The following IFT27 variants were observed in gnomAD, a reference collection of about 807,000 sequenced individuals.
IFT27 encodes the protein intraflagellar transport 27.
In IFT27, 19 loss-of-function variants were observed where a neutral mutation model predicts 23.9. The observed-to-expected ratio is 0.79, with a 90% CI of 0.55 to 1.16. IFT27 has a LOEUF of 1.16. Ranked by LOEUF, IFT27 falls within the 50% of genes most tolerant of loss-of-function variation. The pLI, the probability that IFT27 is intolerant of heterozygous loss-of-function variation, is 0.00. For missense variants in IFT27, 206 were observed against 228.7 expected (o/e 0.90, Z 0.64); for synonymous variants, 91 against 89.1 (o/e 1.02, Z -0.12).
chr22:36,760,783 T>C (rs1938069640), intron 6 of IFT27: 1 of 166,612 alleles, frequency 6.0e-6, no homozygotes, highest in Non-Finnish European at 1.5e-5. Flanking sequence ...AAATAATGTG[T>C]GCAAAACACC....
At chr22:36,765,343 A>G (rs1938216941) in intron 4 of IFT27, among the ~76,000 whole-genome samples, 1 of 152,022 alleles carries the variant, frequency 6.6e-6, no homozygotes, top group Admixed American at 6.6e-5. Flanking sequence ...CATGGCCTGG[A>G]TTTGCCCTAA....
chr22:36,766,967 T>G (rs1601497834), intron 3 of IFT27: 1 of 176,150 alleles, frequency 5.7e-6, no homozygotes, highest in Non-Finnish European at 1.2e-5. Context: ...AGGAATCTGG[T>G]GAAAGCTACA....
intron 5 of IFT27, 177 bp from the exon 6 acceptor site, chr22:36,763,190 C>A (rs891438752): frequency 1.1e-5 from 5 of 453,542 alleles, no homozygotes; most frequent in Non-Finnish European, 2.0e-5. Flanking sequence ...GCCCCAAGGG[C>A]CACAGAGAGA....
chr22:36,768,150 G>A (rs769217815), intron 1 of IFT27: 24 of 541,662 alleles, frequency 4.4e-5, no homozygotes, highest in Non-Finnish European at 6.9e-5. Flanking sequence ...CCCTGGAAAC[G>A]GAACTGACGC....
At chr22:36,766,912 A>G (rs929602264) in intron 3 of IFT27, among the ~76,000 whole-genome samples, 19 of 144,126 alleles carry the variant, frequency 1.3e-4, no homozygotes, top group African/African-American at 4.6e-4. Context: ...CTTTCTCTTC[A>G]TCAGAAGTAC....
chr22:36,766,928 CT>C (rs11428853), intron 3 of IFT27: 176 of 149,466 alleles, frequency 1.2e-3, no homozygotes, highest in African/African-American at 2.7e-3. Flanking sequence ...AGTACTTATA[CT>C]TTTTTTTTTT....
At chr22:36,771,040 G>A (rs1431423941) in intron 1 of IFT27, among the ~76,000 whole-genome samples, 1 of 151,450 alleles carries the variant, frequency 6.6e-6, no homozygotes, top group Non-Finnish European at 1.5e-5. Flanking sequence ...ACTGCTTCCT[G>A]TCTTGGGGTG....
Position 36,775,829 on chromosome 22 carries a change from T to C in IFT27, c.-122A>G. On this transcript the variant is annotated 5_prime_UTR_variant, in exon 1 of 7. Coordinates refer to ENST00000433985, the MANE Select transcript of IFT27 (RefSeq NM_001177701.3). ...GAAGGTGGGGAGGGGAGGGCTGATC[T>C]CAAGGGTCAGTGGCCGCGACGGGAC... The C allele has an allele frequency of 2.4e-6, 2 of 845,576 alleles. No individual in the cohort carries two copies. The highest frequency in any genetic ancestry group is 4.0e-5 in the Admixed American group (2 of 49,934). The allele number at this position is 845,576 out of a possible 1,614,324, so 52.4% of individuals were successfully genotyped here.
rs142610589 is a variant in IFT27, at chr22:36,766,847, C to T, written c.174+459G>A. ...CTGGCCTCTGATCCCTGGCATACACCGTCTAAACATCAGCACCATTGTCTG... is the reference window on the plus strand; with the variant it reads ...CTGGCCTCTGATCCCTGGCATACACTGTCTAAACATCAGCACCATTGTCTG... On this transcript the variant is annotated intron_variant, in intron 3 of 6. Coordinates refer to ENST00000433985, the MANE Select transcript of IFT27 (RefSeq NM_001177701.3). Among the ~76,000 whole-genome samples the T allele has an allele frequency of 1.3e-3, 201 of 152,244 alleles. 2 individuals are homozygous for T. In the Middle Eastern group the frequency reaches 0.038, roughly 29 times the overall value.
chr22:36,768,042 C>G (rs1431088893), intron 1 of IFT27, 180 bp from the exon 2 acceptor site: 3 of 703,202 alleles, frequency 4.3e-6, no homozygotes, highest in Non-Finnish European at 8.0e-6. Flanking sequence ...GACTGATCTG[C>G]AAACCTCACA....
intron 5 of IFT27, 41 bp from the exon 6 acceptor site, chr22:36,763,054 A>G: frequency 7.0e-7 from 1 of 1,431,880 alleles, no homozygotes; most frequent in Non-Finnish European, 9.7e-7. Context: ...CTTCACTGTC[A>G]CACTCTGGAA....
chr22:36,767,837 G>A lies in IFT27; in HGVS notation c.60C>T (p.Ala20=). 1 of 1,614,184 alleles carries A rather than the reference G, an allele frequency of 6.2e-7. No homozygotes were observed. Among genetic ancestry groups the A allele is most frequent in the Non-Finnish European group, 8.5e-7 (1 of 1,180,012 alleles). The stretch of plus-strand genomic sequence containing the variant: ...CATCACTGCGGAAGATCTGTGCCAG[G>A]GCGGTCTTGCCCACTGCTGGGTCTC... ...LAGDPAVGKT[A]LAQIFRSDGA... The change falls in exon 2 of 7, where the codon GCC becomes GCT. Residue 20 remains alanine (A), a synonymous_variant. Coordinates refer to ENST00000433985, the MANE Select transcript of IFT27 (RefSeq NM_001177701.3).
chr22:36,767,081 C>A, intron 3 of IFT27: 1 of 419,702 alleles, frequency 2.4e-6, no homozygotes, highest in Non-Finnish European at 4.4e-6. Context: ...TAGTAGAGAA[C>A]AAGTTCCTCA....
chr22:36,764,683 A>G (rs1938198174), intron 4 of IFT27, among the ~76,000 whole-genome samples: 1 of 152,232 alleles, frequency 6.6e-6, no homozygotes. Context: ...CCATCTCTGC[A>G]TCAGCCTAAT....
At position 36,762,904 on chromosome 22, in the gene IFT27, C is replaced by A; in HGVS notation, c.462G>T (p.Val154=). 1 of 1,563,110 alleles carries A rather than the reference C, an allele frequency of 6.4e-7. No homozygotes were observed. Among genetic ancestry groups the A allele is most frequent in the South Asian group, 1.2e-5 (1 of 84,074 alleles). Residue 154 remains valine (V), a splice_region_variant and synonymous_variant, in exon 6 of 7, where the codon GTG becomes GTT. Coordinates refer to ENST00000433985, the MANE Select transcript of IFT27 (RefSeq NM_001177701.3). ...CGACGAGGCAAGTGGAAATACTCAC[C>A]ACGGATGTTTCAAAACATTCCAGGC... ...GQGLECFETS[V]KEMENFEAPF...
At chr22:36,767,936 T>G (rs1327098832) in intron 1 of IFT27, 74 bp from the exon 2 acceptor site, 1 of 1,358,978 alleles carries the variant, frequency 7.4e-7, no homozygotes, top group Non-Finnish European at 1.1e-6. Flanking sequence ...TGCAGAACAT[T>G]AGTCTAGAAA....
At chr22:36,763,464 C>T in intron 5 of IFT27, 1 of 264,490 alleles carries the variant, frequency 3.8e-6, no homozygotes, top group Non-Finnish European at 7.3e-6. Flanking sequence ...AATTTTTGAG[C>T]CTGTCTCTGG....
chr22:36,768,182 A>G, intron 1 of IFT27: 1 of 472,988 alleles, frequency 2.1e-6, no homozygotes, highest in Non-Finnish European at 4.3e-6. Context: ...AACACGCCCT[A>G]TGGGGAAAAG....
chr22:36,769,975 G>C (rs1601500820), intron 1 of IFT27, among the ~76,000 whole-genome samples: 1 of 152,226 alleles, frequency 6.6e-6, no homozygotes, highest in East Asian at 1.9e-4. Flanking sequence ...ACAGGGAGGT[G>C]AAATAACTGA....
Sources: gnomAD v4.1 joint callset for allele counts (sites outside exome capture counted in the v4.1 genomes callset) on GRCh38, gnomAD v4.1.1 for gene constraint, MANE v1.5 for transcripts, NCBI Gene and HGNC (gene_info 2026-07-23, HGNC 2026-07-21) for gene names.